The following ACAD8 variants were observed in gnomAD, a reference collection of about 807,000 sequenced individuals.
ACAD8 encodes isobutyryl-CoA dehydrogenase, mitochondrial.
A neutral mutation model predicts 53.1 loss-of-function variants in ACAD8; 47 were observed. That is an observed-to-expected ratio of 0.89 (90% confidence interval 0.70 to 1.13). ACAD8 has a LOEUF of 1.13. Ranked by LOEUF, ACAD8 falls within the 50% of genes most tolerant of loss-of-function variation. The pLI is 0.00. For synonymous variants in ACAD8, 198 were observed against 201.3 expected, an observed-to-expected ratio of 0.98 and a Z score of 0.14; for missense variants, 494 against 535.0, an observed-to-expected ratio of 0.92 and a Z score of 0.76.
At chr11:134,262,317 T>TC (rs1939931485) in intron 9 of ACAD8, 2 of 667,958 alleles carry the variant, frequency 3.0e-6, no homozygotes. Context: ...GTCGCCTGTC[T>TC]GGGGGGAACT....
intron 6 of ACAD8, chr11:134,260,301 T>G: frequency 1.6e-6 from 1 of 630,596 alleles, no homozygotes; most frequent in Non-Finnish European, 2.1e-6. Context: ...TAACCGTAAT[T>G]GGTAATAAGG....
rs776891196 is a variant in ACAD8 at position 134,257,165 on chromosome 11, C to G, written c.288C>G (p.Gly96=). The G allele has an allele frequency of 8.7e-6, 14 of 1,614,092 alleles. No individual in the cohort carries two copies. Among genetic ancestry groups the G allele is most frequent in the Non-Finnish European group, 1.2e-5 (14 of 1,180,026 alleles). ...GGGTCTACATACAAACAGATGTGGGCGGGTCTGGGCTGTCACGTCTTGATA... is the reference window on the plus strand; with the variant it reads ...GGGTCTACATACAAACAGATGTGGGGGGGTCTGGGCTGTCACGTCTTGATA... ...FGGVYIQTDV[G]GSGLSRLDTS... is the part of the protein sequence containing the mutation. The change falls in exon 3 of 11, where the codon GGC becomes GGG. Residue 96 remains glycine (G), a synonymous_variant. Transcript: ENST00000281182.
chr11:134,258,854 A>G (rs1303892026), intron 4 of ACAD8, 154 bp from the exon 5 acceptor site: 6 of 777,160 alleles, frequency 7.7e-6, no homozygotes, highest in South Asian at 2.9e-5. Flanking sequence ...TCCACCAAGT[A>G]CAGAGAGTTC....
At chr11:134,259,575 C>T (rs1383957735) in intron 5 of ACAD8, 33 bp from the exon 6 acceptor site, 1 of 1,613,774 alleles carries the variant, frequency 6.2e-7, no homozygotes. Context: ...TCAAGCATTC[C>T]CTGGTCCTTT....
Position 134,261,749 on chromosome 11 carries a change from C to T in ACAD8, c.951C>T (p.Phe317=), listed in dbSNP as rs141707928. 5.5e-5 allele frequency: 88 copies of T among 1,613,768 alleles called. No homozygotes were observed. The highest frequency in any genetic ancestry group is 6.7e-5 in the Admixed American group (4 of 60,000). Residue 317 remains phenylalanine (F), a synonymous_variant, in exon 9 of 11, where the codon TTC becomes TTT. Coordinates refer to ENST00000281182, the MANE Select transcript of ACAD8 (RefSeq NM_014384.3). The surrounding 1 kb of genome is among the most constrained non-coding windows in gnomAD (Gnocchi z 4.2). ...EPLASNQYLQ[F]TLADMATRLV... ...TCCCTGTGCTGCAGTACTTGCAATT[C>T]ACACTGGCTGATATGGCAACAAGGC...
chr11:134,264,827 C>T, intron 10 of ACAD8, 81 bp from the exon 11 acceptor site: 2 of 1,259,682 alleles, frequency 1.6e-6, no homozygotes, highest in South Asian at 2.4e-5. Context: ...CTGAACTAGG[C>T]CTGGAGCAGC....
At chr11:134,258,340 T>A (rs543930354) in intron 3 of ACAD8, 175 bp from the exon 4 acceptor site, 7 of 655,094 alleles carry the variant, frequency 1.1e-5, no homozygotes, top group African/African-American at 7.2e-5. Flanking sequence ...TCCAGGAATA[T>A]GTTTTAATCC....
chr11:134,262,942 C>T (rs1006241360), intron 10 of ACAD8: 111 of 1,273,908 alleles, frequency 8.7e-5, no homozygotes, highest in Non-Finnish European at 1.0e-4. Flanking sequence ...CTAAGGTTAT[C>T]GAGTACGTGG....
Position 134,261,253 on chromosome 11 carries a change from C to G in ACAD8, c.842-22C>G. 1 of 1,614,046 alleles carries G rather than the reference C, an allele frequency of 6.2e-7. No homozygotes were observed. Among genetic ancestry groups the G allele is most frequent in the Non-Finnish European group, 8.5e-7 (1 of 1,179,980 alleles). The stretch of plus-strand genomic sequence containing the variant: ...CTGCTGTTTTCCAGCTTGGTTGGAA[C>G]GTCGGCGCTCTTCCCCTCTAGCTTC... On this transcript the variant is annotated intron_variant, in intron 7 of 10. Transcript: ENST00000281182. The surrounding 1 kb of genome is among the most constrained non-coding windows in gnomAD (Gnocchi z 4.2).
chr11:134,253,569 G>T lies in ACAD8; in HGVS notation c.-32G>T. The T allele has an allele frequency of 6.4e-7, 1 of 1,552,884 alleles. No individual in the cohort carries two copies. ...GCGCAACGGAGGTCGAAGGCGTTCA[G>T]ACTCTTAGCTGAACGCGGAGCTGCG... On this transcript the variant is annotated 5_prime_UTR_variant, in exon 1 of 11. Transcript: ENST00000281182.
chr11:134,254,794 A>T (rs1180697841), intron 1 of ACAD8, among the ~76,000 whole-genome samples: 2 of 152,102 alleles, frequency 1.3e-5, no homozygotes, highest in African/African-American at 2.4e-5. Flanking sequence ...GTGTTTTTCT[A>T]TTTAGCTTTA....
chr11:134,262,557 G>C lies in ACAD8; in HGVS notation c.1130G>C (p.Gly377Ala), dbSNP rs370844523. The C allele has an allele frequency of 5.0e-6, 8 of 1,613,972 alleles. No homozygotes were observed. The highest frequency in any genetic ancestry group is 6.8e-6 in the Non-Finnish European group (8 of 1,180,012). ...NQALQMHGGYGYLKDYAVQQY... is the reference protein window; with the variant it reads ...NQALQMHGGYAYLKDYAVQQY... The stretch of plus-strand genomic sequence containing the variant: ...GCCTTGCAGATGCACGGGGGCTACG[G>C]CTACCTGAAGGATTACGCTGTTCAG... The change falls in exon 10 of 11, where the codon GGC (glycine) becomes GCC (alanine). Residue 377 changes from glycine (G) to alanine (A), a missense_variant. Transcript: ENST00000281182.
chr11:134,256,691 C>G, intron 2 of ACAD8, 43 bp downstream of exon 2: 2 of 1,524,674 alleles, frequency 1.3e-6, no homozygotes, highest in Non-Finnish European at 1.8e-6. Flanking sequence ...CAACAGATGT[C>G]TCAGGCAGAC....
chr11:134,258,231 A>G (rs1284083278), intron 3 of ACAD8: 3 of 475,000 alleles, frequency 6.3e-6, no homozygotes, highest in African/African-American at 2.0e-5. Context: ...GAAAGCACAT[A>G]TAACTCTGAT....
chr11:134,256,957 T>C (rs1939567038), intron 2 of ACAD8, 131 bp from the exon 3 acceptor site: 4 of 993,492 alleles, frequency 4.0e-6, no homozygotes, highest in Non-Finnish European at 6.4e-6. Context: ...CACTGTAAGA[T>C]GACAAACAGG....
chr11:134,261,877 A>G lies in ACAD8; in HGVS notation c.1079A>G (p.Asp360Gly), dbSNP rs1489922592. ...LCSMAKLFATDECFAICNQAL... is the reference protein window; with the variant it reads ...LCSMAKLFATGECFAICNQAL... ...TCCATGGCCAAGCTCTTTGCTACAG[A>G]TGAATGCTTTGCCGTAAGTGATTCC... is the stretch of plus-strand genomic sequence containing the variant. Residue 360 changes from aspartate (D) to glycine (G), a missense_variant, in exon 9 of 11, where the codon GAT (aspartate) becomes GGT (glycine). By Grantham distance (94) the Asp-to-Gly change is moderately conservative. Transcript: ENST00000281182. The surrounding 1 kb of genome is among the most constrained non-coding windows in gnomAD (Gnocchi z 4.2). 1.9e-6 allele frequency: 3 copies of G among 1,614,136 alleles called. No individual in the cohort carries two copies. The Admixed American group carries it at 5.0e-5, about 27-fold the overall frequency.
At chr11:134,260,818 CATT>C in intron 6 of ACAD8, 1 of 574,310 alleles carries the variant, frequency 1.7e-6, no homozygotes, top group South Asian at 2.0e-5. Context: ...GTAGAGTAGA[CATT>C]AGTAGATTCT....
At position 134,265,224 on chromosome 11, in the gene ACAD8, A is replaced by C. The variant is rs2136087040; in HGVS notation, c.*264A>C. The C allele has an allele frequency of 1.8e-6, 1 of 540,958 alleles. No homozygotes were observed. Among genetic ancestry groups the C allele is most frequent in the East Asian group, 3.0e-5 (1 of 33,686 alleles). The allele number at this position is 540,958 out of a possible 1,614,324, so 33.5% of individuals were successfully genotyped here. A position where few individuals can be genotyped will look rare whatever the true frequency, so the allele number is the denominator to read the frequency against. On this transcript the variant is annotated 3_prime_UTR_variant, in exon 11 of 11. Transcript: ENST00000281182. ...TTTTCCTAATGCCAGAAGGGTGACC[A>C]GTGAAGATTCACCGTCAAACCATGA... is the stretch of plus-strand genomic sequence containing the variant.
At chr11:134,257,598 G>C (rs545452543) in intron 3 of ACAD8, 4 of 349,678 alleles carry the variant, frequency 1.1e-5, no homozygotes, top group South Asian at 8.9e-5. Flanking sequence ...GTGTGAACCC[G>C]GGAGGCGGAG....
Sources: allele counts gnomAD v4.1 joint callset (sites outside exome capture counted in the v4.1 genomes callset), GRCh38; gene constraint gnomAD v4.1.1; non-coding constraint Gnocchi (gnomAD v3.1); transcripts MANE v1.5; gene names NCBI Gene and HGNC (gene_info 2026-07-23, HGNC 2026-07-21).